Variants in ADAM23 observed in about 807,000 individuals in gnomAD.
ADAM23 encodes the protein ADAM metallopeptidase domain 23, also known as disintegrin and metalloproteinase domain-containing protein 23.
In ADAM23, 33 loss-of-function variants were observed where a neutral mutation model predicts 120.1. The ratio of observed to expected loss-of-function variants is 0.27; its 90% confidence interval spans 0.21 to 0.37. ADAM23 has a LOEUF of 0.37. Among genes scored for constraint, ADAM23 ranks in the 10% least tolerant of loss-of-function variants. The pLI, the probability that ADAM23 is intolerant of heterozygous loss-of-function variation, is 1.00. For missense variants in ADAM23, 862 were observed against 1,058.2 expected (o/e 0.81, Z 2.57); for synonymous variants, 367 against 375.2 (o/e 0.98, Z 0.25).
chr2:206,564,888 C>T, intron 13 of ADAM23, 132 bp from the exon 14 acceptor site: 1 of 926,736 alleles, frequency 1.1e-6, no homozygotes, highest in Non-Finnish European at 1.7e-6. Context: ...TGTAAGACTT[C>T]ACATTCCGTG....
intron 2 of ADAM23, among the ~76,000 whole-genome samples, chr2:206,452,941 G>C (rs1695226616): frequency 6.6e-6 from 1 of 152,064 alleles, no homozygotes; most frequent in South Asian, 2.1e-4. Flanking sequence ...CTCTCTCTCT[G>C]TCAATCCATC....
At chr2:206,491,431 G>C (rs771828133) in intron 3 of ADAM23, among the ~76,000 whole-genome samples, 1 of 152,120 alleles carries the variant, frequency 6.6e-6, no homozygotes, top group Non-Finnish European at 1.5e-5. Flanking sequence ...ATCTTACCTA[G>C]GATATAAAAG....
chr2:206,557,675 G>C (rs1697673884), intron 10 of ADAM23, among the ~76,000 whole-genome samples, 177 bp downstream of exon 10: 1 of 152,190 alleles, frequency 6.6e-6, no homozygotes, highest in Non-Finnish European at 1.5e-5. Flanking sequence ...AGTTTCAGAT[G>C]ACTGAGTTAT....
chr2:206,460,877 G>C (rs1695403273), intron 2 of ADAM23, among the ~76,000 whole-genome samples: 1 of 152,248 alleles, frequency 6.6e-6, no homozygotes, highest in East Asian at 1.9e-4. Context: ...TAGCTCTTAT[G>C]TTTAGGACTT....
chr2:206,452,045 T>A (rs1274660511), intron 2 of ADAM23, among the ~76,000 whole-genome samples: 1 of 152,196 alleles, frequency 6.6e-6, no homozygotes, highest in Non-Finnish European at 1.5e-5. Context: ...TGATGATTTC[T>A]CTTGAAGAAT....
chr2:206,542,251 G>C, intron 5 of ADAM23, 117 bp downstream of exon 5: 1 of 995,664 alleles, frequency 1.0e-6, no homozygotes, highest in East Asian at 2.6e-5. Flanking sequence ...TGCATGTGGA[G>C]TGGTGCACAA....
intron 4 of ADAM23, among the ~76,000 whole-genome samples, chr2:206,533,395 G>C (rs182275911): frequency 7.2e-5 from 11 of 152,182 alleles, no homozygotes; most frequent in Admixed American, 7.2e-4. Context: ...AGTAGAGACG[G>C]GGTTTCACCA....
At chr2:206,547,122 G>A (rs908423843) in intron 6 of ADAM23, among the ~76,000 whole-genome samples, 2 of 151,824 alleles carry the variant, frequency 1.3e-5, no homozygotes, top group African/African-American at 2.4e-5. Context: ...GAAAGCATTC[G>A]GCATGTTTTT....
chr2:206,578,197 AATCT>A (rs1459586932), intron 18 of ADAM23, among the ~76,000 whole-genome samples: 2 of 151,974 alleles, frequency 1.3e-5, no homozygotes, highest in Admixed American at 6.6e-5. Context: ...TAACATTACA[AATCT>A]ATTTATTTAT....
At chr2:206,543,077 T>C (rs2105807758) in intron 5 of ADAM23, among the ~76,000 whole-genome samples, 176 bp from the exon 6 acceptor site, 1 of 152,286 alleles carries the variant, frequency 6.6e-6, no homozygotes, top group South Asian at 2.1e-4. Context: ...CCTAATAGAG[T>C]GCTGGGGCCA....
At chr2:206,581,859 C>A (rs920580834) in intron 18 of ADAM23, among the ~76,000 whole-genome samples, 1 of 151,684 alleles carries the variant, frequency 6.6e-6, no homozygotes, top group African/African-American at 2.4e-5. Context: ...TGTCTATGTC[C>A]TTTCTCTTCC....
intron 21 of ADAM23, among the ~76,000 whole-genome samples, chr2:206,589,859 A>G (rs976316293): frequency 6.6e-6 from 1 of 152,204 alleles, no homozygotes. Flanking sequence ...CTATGAGTGT[A>G]GTAGTATACA....
In ADAM23 at chr2:206,589,403, C is replaced by G. The variant is rs1425822773; in HGVS notation, c.1853-6C>G. ...TTAATTTTCTTCTCTTGCCTATCTC[C>G]AAAAGAGGCTGCAGGGTCTGACAAG... is the stretch of plus-strand genomic sequence containing the variant. On this transcript the variant is annotated splice_polypyrimidine_tract_variant and splice_region_variant and intron_variant, in intron 20 of 25. Coordinates refer to ENST00000264377, the MANE Select transcript of ADAM23 (RefSeq NM_003812.4). The G allele has an allele frequency of 6.2e-7, 1 of 1,611,468 alleles. No individual in the cohort carries two copies. The highest frequency in any genetic ancestry group is 1.7e-5 in the Admixed American group (1 of 59,572).
intron 4 of ADAM23, among the ~76,000 whole-genome samples, chr2:206,531,166 A>G (rs1697054143): frequency 1.3e-5 from 2 of 152,250 alleles, no homozygotes; most frequent in South Asian, 4.1e-4. Context: ...TTGATTATAC[A>G]TGCAGTACCT....
intron 2 of ADAM23, among the ~76,000 whole-genome samples, chr2:206,454,186 C>T (rs1267859241): frequency 6.6e-6 from 1 of 152,070 alleles, no homozygotes; most frequent in African/African-American, 2.4e-5. Context: ...CATAGTTCCA[C>T]AGGTCGTACT....
rs1456727327 is a variant in ADAM23 at position 206,548,341 on chromosome 2, A to G, written c.854A>G (p.Lys285Arg). Reference protein sequence around the residue: ...LSELQWLKRRKRAVNPSRGIF... With the variant: ...LSELQWLKRRRRAVNPSRGIF... ...GAATTACAGTGGTTGAAAAGAAGGAAGAGAGCAGTGAATGTGAGTGTGGCA... is the reference window on the plus strand; with the variant it reads ...GAATTACAGTGGTTGAAAAGAAGGAGGAGAGCAGTGAATGTGAGTGTGGCA... Residue 285 changes from lysine (K) to arginine (R), a missense_variant, in exon 8 of 26, where the codon AAG (lysine) becomes AGG (arginine). By Grantham distance (26) the Lys-to-Arg change is conservative. This residue lies in a region of ADAM23 where 617 missense variants were observed against 813.5 expected (regional missense o/e 0.76). Coordinates refer to ENST00000264377, the MANE Select transcript of ADAM23 (RefSeq NM_003812.4). 6.2e-7 allele frequency: 1 copy of G among 1,609,900 alleles called. No individual in the cohort carries two copies. The highest frequency in any genetic ancestry group is 1.1e-5 in the South Asian group (1 of 91,068).
At chr2:206,570,687 G>T in intron 15 of ADAM23, 53 bp from the exon 16 acceptor site, 1 of 1,466,154 alleles carries the variant, frequency 6.8e-7, no homozygotes, top group South Asian at 1.1e-5. Flanking sequence ...TTGATGTGCT[G>T]ATTTTCTGTG....
chr2:206,496,983 C>A (rs910748560), intron 3 of ADAM23, among the ~76,000 whole-genome samples: 1 of 152,172 alleles, frequency 6.6e-6, no homozygotes. Context: ...AGACCAATAA[C>A]GGGCTCTGAA....
At chr2:206,485,296 G>C (rs1002405732) in intron 3 of ADAM23, among the ~76,000 whole-genome samples, 2 of 152,198 alleles carry the variant, frequency 1.3e-5, no homozygotes, top group Non-Finnish European at 2.9e-5. Flanking sequence ...TCAGGAGAAT[G>C]TTTAAGTCAG....
Sources: allele counts gnomAD v4.1 joint callset (sites outside exome capture counted in the v4.1 genomes callset), GRCh38; gene constraint gnomAD v4.1.1; regional missense constraint gnomAD v4.1.1; transcripts MANE v1.5; gene names NCBI Gene and HGNC (gene_info 2026-07-23, HGNC 2026-07-21).